Variants in SDK2 observed in about 807,000 individuals in gnomAD.
SDK2 encodes sidekick cell adhesion molecule 2, also known as protein sidekick-2.
Under a neutral mutation model 253.9 loss-of-function variants are expected in SDK2, and 105 were observed. That is an observed-to-expected ratio of 0.41 (90% CI 0.35 to 0.49). The LOEUF is 0.49. Ranked by LOEUF, SDK2 falls within the 20% of genes least tolerant of loss-of-function variation. The pLI is 0.06. For synonymous variants in SDK2, 1,249 were observed against 1,234.9 expected (o/e 1.01, Z -0.24); for missense variants, 2,608 against 3,003.0 (o/e 0.87, Z 3.07).
chr17:73,398,469 G>A, intron 22 of SDK2, 40 bp from the exon 23 acceptor site: 1 of 1,550,780 alleles, frequency 6.4e-7, no homozygotes, highest in Non-Finnish European at 8.9e-7. Flanking sequence ...CAGCCTACAG[G>A]GCCCACACGG....
chr17:73,422,145 A>T (rs1004769988), intron 15 of SDK2, 142 bp downstream of exon 15: 1 of 881,364 alleles, frequency 1.1e-6, no homozygotes. Context: ...GGCACTCATC[A>T]GGATTGCTCT....
chr17:73,411,792 T>A lies in SDK2; in HGVS notation c.2484+2852A>T, dbSNP rs775980065. ...ACTACTACTATTATTACTGCTATTT[T>A]TTTTTTTTTTTTGGTCAGAGTCTCG... On this transcript the variant is annotated intron_variant, in intron 18 of 44. Transcript: ENST00000392650. 2.1e-3 allele frequency among the ~76,000 whole-genome samples: 306 copies of A among 146,740 alleles called. 7 individuals are homozygous for A. The highest frequency in any genetic ancestry group is 0.02 in the Admixed American group (286 of 14,654).
rs1047492793 is a variant in SDK2 at position 73,431,739 on chromosome 17, C to G, written c.1313-70G>C. ...CACACCCTGCCCTTCCCTGGCCGCT[C>G]CAGGGCAGCATGGTCCCCCCACAGG... On this transcript the variant is annotated intron_variant, in intron 10 of 44. Coordinates refer to ENST00000392650, the MANE Select transcript of SDK2 (RefSeq NM_001144952.2). The surrounding 1 kb of genome is among the most constrained non-coding windows in gnomAD (Gnocchi z 5.6). The G allele has an allele frequency of 6.9e-7, 1 of 1,453,600 alleles. No homozygotes were observed. The highest frequency in any genetic ancestry group is 9.1e-7 in the Non-Finnish European group (1 of 1,095,656). 90.0% of individuals were successfully genotyped at this position (1,453,600 alleles called of 1,614,324 possible). A position where few individuals can be genotyped will look rare whatever the true frequency, so the allele number is the denominator to read the frequency against.
Position 73,361,769 on chromosome 17 carries a change from C to T in SDK2, c.5382G>A (p.Gly1794=), listed in dbSNP as rs749826231. 1.9e-6 allele frequency: 3 copies of T among 1,613,204 alleles called. No homozygotes were observed. The South Asian group carries it at 3.3e-5, about 18-fold the overall frequency. ...LWLKVKDLAE[G]VTYRFRIRAK... is the part of the protein sequence containing the mutation. ...CTCTGATGCGGAACCTGTAGGTCAC[C>T]CCCTCCGCCAGGTCCTTCACCTTCA... Residue 1794 remains glycine (G), a synonymous_variant, in exon 39 of 45, where the codon GGG becomes GGA. Coordinates refer to ENST00000392650, the MANE Select transcript of SDK2 (RefSeq NM_001144952.2). The surrounding 1 kb of genome is among the most constrained non-coding windows in gnomAD (Gnocchi z 4.1).
At chr17:73,370,607 G>A (rs1458987004) in intron 36 of SDK2, among the ~76,000 whole-genome samples, 1 of 151,906 alleles carries the variant, frequency 6.6e-6, no homozygotes, top group Non-Finnish European at 1.5e-5. Context: ...CACGCAGACT[G>A]GGGTGCAGTG....
chr17:73,532,248 G>T (rs1208586323), intron 1 of SDK2, among the ~76,000 whole-genome samples: 1 of 115,856 alleles, frequency 8.6e-6, no homozygotes, highest in Non-Finnish European at 1.6e-5. Flanking sequence ...AATGTCAACT[G>T]TGCTGAGGCT....
At chr17:73,377,738 G>A (rs1269596375) in intron 36 of SDK2, among the ~76,000 whole-genome samples, 10 of 147,610 alleles carry the variant, frequency 6.8e-5, no homozygotes, top group South Asian at 2.2e-4. Context: ...TCAGCCTCCC[G>A]AGTAGCTGGG....
chr17:73,335,775 T>G lies in SDK2; in HGVS notation c.*2812A>C, dbSNP rs1158978284. The G allele has an allele frequency of 6.6e-6, 1 of 152,298 alleles. No homozygotes were observed. The highest frequency in any genetic ancestry group is 2.4e-5 in the African/African-American group (1 of 41,462). 9.4% of individuals were successfully genotyped at this position (152,298 alleles called of 1,614,324 possible). On this transcript the variant is annotated 3_prime_UTR_variant, in exon 45 of 45. Transcript: ENST00000392650. ...AAGTGCAAGCAACCCAGGCCACCTGTGCCTCACAGGGGAGAGATGGCTTCA... is the reference window on the plus strand; with the variant it reads ...AAGTGCAAGCAACCCAGGCCACCTGGGCCTCACAGGGGAGAGATGGCTTCA...
Position 73,352,532 on chromosome 17 carries a change from A to G in SDK2, c.5699T>C (p.Val1900Ala). The change falls in exon 41 of 45, where the codon GTC becomes GCC. Residue 1900 changes from valine (V) to alanine (A), a missense_variant. By Grantham distance (64) the Val-to-Ala change is moderately conservative (BLOSUM62 0). This residue lies in a region of SDK2 where 1,103 missense variants were observed against 1,143.9 expected (regional missense o/e 0.96). Coordinates refer to ENST00000392650, the MANE Select transcript of SDK2 (RefSeq NM_001144952.2). The surrounding 1 kb of genome is among the most constrained non-coding windows in gnomAD (Gnocchi z 4.1). ...LKPGVSYDFR[V>A]IAVNDYGFGT... ...GAAACCATAGTCGTTGACCGCGATGACCCGGAAGTCATAGCTCACGCCCGG... is the reference window on the plus strand; with the variant it reads ...GAAACCATAGTCGTTGACCGCGATGGCCCGGAAGTCATAGCTCACGCCCGG... 6.2e-7 allele frequency: 1 copy of G among 1,613,958 alleles called. No individual in the cohort carries two copies. The highest frequency in any genetic ancestry group is 8.5e-7 in the Non-Finnish European group (1 of 1,179,878).
rs548287114 is a variant in SDK2 at position 73,493,404 on chromosome 17, C to CG, written c.224+14033dup. ...GGAGAGTCTGGGCGGATGTGGCCAG[C>CG]GGGGCCCCAGGGCTGCCAGGATGGG... is the stretch of plus-strand genomic sequence containing the variant. On this transcript the variant is annotated intron_variant, in intron 2 of 44. Transcript: ENST00000392650. Among the ~76,000 whole-genome samples, 233 of 152,270 alleles carry CG rather than the reference C, an allele frequency of 1.5e-3. 11 individuals carry two copies. In the South Asian group the frequency reaches 0.048, roughly 31 times the overall value.
chr17:73,345,479 A>G (rs1450230699), intron 44 of SDK2, among the ~76,000 whole-genome samples: 1 of 151,586 alleles, frequency 6.6e-6, no homozygotes, highest in Admixed American at 6.6e-5. Context: ...AACATTCATT[A>G]GAGTCTGTCT....
At chr17:73,633,199 C>T (rs554425099) in intron 1 of SDK2, among the ~76,000 whole-genome samples, 32 of 152,252 alleles carry the variant, frequency 2.1e-4, no homozygotes, top group African/African-American at 7.7e-4. Context: ...GTGGGAGGAT[C>T]GCTTGAACCT....
At chr17:73,506,392 G>A (rs2063936142) in intron 2 of SDK2, among the ~76,000 whole-genome samples, 1 of 152,108 alleles carries the variant, frequency 6.6e-6, no homozygotes, top group Non-Finnish European at 1.5e-5. Context: ...CCCTGTCCTG[G>A]GCTTTCTTTT....
chr17:73,431,803 T>C lies in SDK2; in HGVS notation c.1313-134A>G. On this transcript the variant is annotated intron_variant, in intron 10 of 44. Coordinates refer to ENST00000392650, the MANE Select transcript of SDK2 (RefSeq NM_001144952.2). The surrounding 1 kb of genome is among the most constrained non-coding windows in gnomAD (Gnocchi z 5.6). ...AAATGCTGGAAGGAATGAGGACAGA[T>C]GGCGGTGGGGCTGGGGTGGGGGCTG... 1.1e-6 allele frequency: 1 copy of C among 944,996 alleles called. No individual in the cohort carries two copies. Among genetic ancestry groups the C allele is most frequent in the Non-Finnish European group, 1.5e-6 (1 of 661,494 alleles). 58.5% of individuals were successfully genotyped at this position (944,996 alleles called of 1,614,324 possible).
At chr17:73,457,285 T>G (rs143600307) in intron 3 of SDK2, among the ~76,000 whole-genome samples, 2 of 11,476 alleles carry the variant, frequency 1.7e-4, no homozygotes, top group Non-Finnish European at 1.3e-4. Context: ...CTTCCTTCCT[T>G]CCCCCCTCCC....
intron 1 of SDK2, chr17:73,517,497 G>A (rs931228463): frequency 2.0e-5 from 3 of 152,206 alleles, no homozygotes; most frequent in African/African-American, 7.2e-5. Context: ...TACCAGCCAG[G>A]GAATGCCAAG....
rs957927460 is a variant in SDK2 at position 73,476,938 on chromosome 17, C to T, written c.225-4720G>A. On this transcript the variant is annotated intron_variant, in intron 2 of 44. Transcript: ENST00000392650. ...GGGTACAACCTCTCTCCCGCTCCTC[C>T]GCCTCCGTTTCTTTGGGCTGTCTCT... Among the ~76,000 whole-genome samples the T allele has an allele frequency of 7.9e-5, 12 of 152,330 alleles. No homozygotes were observed. In the South Asian group the frequency reaches 1.5e-3, roughly 18 times the overall value.
At chr17:73,598,138 G>A (rs1369685250) in intron 1 of SDK2, among the ~76,000 whole-genome samples, 3 of 152,066 alleles carry the variant, frequency 2.0e-5, no homozygotes, top group African/African-American at 7.2e-5. Context: ...CTAGGATCCC[G>A]TGCCCCAACC....
At chr17:73,487,641 G>A (rs1444156234) in intron 2 of SDK2, among the ~76,000 whole-genome samples, 3 of 152,234 alleles carry the variant, frequency 2.0e-5, no homozygotes, top group Non-Finnish European at 4.4e-5. Flanking sequence ...ATCTGCATGT[G>A]TGGTGTTCCC....
Sources: allele counts gnomAD v4.1 joint callset (sites outside exome capture counted in the v4.1 genomes callset), GRCh38; gene constraint gnomAD v4.1.1; regional missense constraint gnomAD v4.1.1; non-coding constraint Gnocchi (gnomAD v3.1); transcripts MANE v1.5; gene names NCBI Gene and HGNC (gene_info 2026-07-23, HGNC 2026-07-21).